Variants in ACTN2 observed in about 807,000 individuals in gnomAD.
ACTN2 encodes the protein actinin alpha 2, also known as alpha-actinin-2.
Under a neutral mutation model 113.8 loss-of-function variants are expected in ACTN2, and 39 were observed. That is an observed-to-expected ratio of 0.34 (90% CI 0.27 to 0.45). The LOEUF is 0.45. ACTN2 is among the 20% of genes least tolerant of loss of function. ACTN2 has a pLI of 1.00. For synonymous variants in ACTN2, 429 were observed against 444.1 expected, an observed-to-expected ratio of 0.97 and a Z score of 0.43; for missense variants, 992 against 1,177.9, an observed-to-expected ratio of 0.84 and a Z score of 2.31.
chr1:236,748,326 G>T (rs986173352), intron 13 of ACTN2, among the ~76,000 whole-genome samples: 2 of 152,074 alleles, frequency 1.3e-5, no homozygotes, highest in Admixed American at 1.3e-4. Flanking sequence ...AGTCTTTTCT[G>T]CTTGACTCTG....
chr1:236,758,901 G>A (rs139984972), intron 18 of ACTN2, among the ~76,000 whole-genome samples: 131 of 152,332 alleles, frequency 8.6e-4, no homozygotes, highest in African/African-American at 3.1e-3. Flanking sequence ...GCTTACAGGC[G>A]TGAGCCACCA....
chr1:236,729,867 CA>C (rs990451172), intron 6 of ACTN2, among the ~76,000 whole-genome samples: 12 of 152,224 alleles, frequency 7.9e-5, no homozygotes, highest in African/African-American at 2.9e-4. Flanking sequence ...GTTTGTATTA[CA>C]AAACATCCGT....
At chr1:236,727,061 C>T (rs1282816160) in intron 5 of ACTN2, among the ~76,000 whole-genome samples, 1 of 152,232 alleles carries the variant, frequency 6.6e-6, no homozygotes, top group African/African-American at 2.4e-5. Flanking sequence ...CAAGCTCTGG[C>T]CTGCCCTTGT....
At chr1:236,743,501 A>G (rs1290688551) in intron 11 of ACTN2, among the ~76,000 whole-genome samples, 1 of 151,706 alleles carries the variant, frequency 6.6e-6, no homozygotes, top group African/African-American at 2.4e-5. Flanking sequence ...TTCTTATTTC[A>G]CTTGCATTCA....
chr1:236,731,581 A>C (rs545283568), intron 7 of ACTN2, among the ~76,000 whole-genome samples: 1 of 152,370 alleles, frequency 6.6e-6, no homozygotes, highest in South Asian at 2.1e-4. Context: ...TTTGGCTAAG[A>C]AACAAAATGC....
chr1:236,735,832 T>C (rs970419072), intron 8 of ACTN2, 112 bp downstream of exon 8: 1 of 1,031,822 alleles, frequency 9.7e-7, no homozygotes, highest in East Asian at 2.6e-5. Flanking sequence ...GGAATCTTTC[T>C]GAGTGTTTTC....
At chr1:236,734,473 G>C in intron 7 of ACTN2, 1 of 1,535,868 alleles carries the variant, frequency 6.5e-7, no homozygotes, top group Non-Finnish European at 8.7e-7. Context: ...GAGCCATAAT[G>C]ACTTATGTTT....
intron 13 of ACTN2, among the ~76,000 whole-genome samples, chr1:236,748,666 C>T (rs1341279780): frequency 6.6e-6 from 1 of 152,136 alleles, no homozygotes; most frequent in Non-Finnish European, 1.5e-5. Context: ...ACCTGCAGTT[C>T]CTTCTCTCTC....
rs549026873 is a variant in ACTN2 at position 236,693,629 on chromosome 1, C to T, written c.126+6830C>T. 5.8e-4 allele frequency among the ~76,000 whole-genome samples: 88 copies of T among 152,282 alleles called. 1 individual carries two copies. The highest frequency in any genetic ancestry group is 6.8e-3 in the Middle Eastern group (2 of 294). On this transcript the variant is annotated intron_variant, in intron 1 of 20. Coordinates refer to ENST00000366578, the MANE Select transcript of ACTN2 (RefSeq NM_001103.4). ...CCACGGCCGTTGGGTCACCACCTCC[C>T]GTGGAGTCCTCTGGACCCTGCCTCT...
chr1:236,726,990 C>T (rs1658569514), intron 5 of ACTN2, among the ~76,000 whole-genome samples: 1 of 152,134 alleles, frequency 6.6e-6, no homozygotes, highest in Admixed American at 6.5e-5. Context: ...GGTCTCCTTC[C>T]CCAGACCCTT....
At chr1:236,708,236 C>T (rs1315494157) in intron 1 of ACTN2, among the ~76,000 whole-genome samples, 1 of 152,124 alleles carries the variant, frequency 6.6e-6, no homozygotes, top group Non-Finnish European at 1.5e-5. Context: ...AGTTAGATGC[C>T]TAATTATGTA....
intron 1 of ACTN2, among the ~76,000 whole-genome samples, chr1:236,691,378 C>T (rs895663388): frequency 2.6e-5 from 4 of 152,022 alleles, no homozygotes; most frequent in African/African-American, 4.8e-5. Flanking sequence ...TGCAGTGGCT[C>T]ATGCCTGTAA....
At chr1:236,721,233 A>G in intron 4 of ACTN2, among the ~76,000 whole-genome samples, 1 of 151,268 alleles carries the variant, frequency 6.6e-6, no homozygotes. Flanking sequence ...TCACTGTGTT[A>G]GCCAGGATGG....
Position 236,759,780 on chromosome 1 carries a change from T to G in ACTN2, c.2358T>G (p.Gly786=), listed in dbSNP as rs1478309595. ...EDFRACLISM[G]YDLGEAEFAR... is the part of the protein sequence containing the mutation. ...TCAGAGCCTGCCTGATTTCCATGGG[T>G]TATGACCTGGTAAGACAGAAGTTGA... The change falls in exon 19 of 21, where the codon GGT becomes GGG. Residue 786 remains glycine, a synonymous_variant. Transcript: ENST00000366578. The G allele has an allele frequency of 6.2e-7, 1 of 1,613,576 alleles. No homozygotes were observed. The highest frequency in any genetic ancestry group is 8.5e-7 in the Non-Finnish European group (1 of 1,179,546).
chr1:236,723,109 T>C (rs1658449798), intron 4 of ACTN2, among the ~76,000 whole-genome samples: 1 of 152,252 alleles, frequency 6.6e-6, no homozygotes. Flanking sequence ...GTTGTAGATA[T>C]ACTGTACCTT....
chr1:236,704,928 A>G (rs1558225438), intron 1 of ACTN2, among the ~76,000 whole-genome samples: 1 of 152,224 alleles, frequency 6.6e-6, no homozygotes, highest in Admixed American at 6.5e-5. Context: ...GACTCTTCTT[A>G]GCCTGTCTGT....
chr1:236,747,756 AGAG>A lies in ACTN2; in HGVS notation c.1500_1502del (p.Arg501del). On this transcript the variant is annotated inframe_deletion, in exon 13 of 21. Transcript: ENST00000366578. ...GACCGACTGGGAACGCTTACTCAGA[AGAG>A]GAGAGAAGCCCTAGAGGTGAAGTAT... The A allele has an allele frequency of 6.2e-7, 1 of 1,613,956 alleles. No homozygotes were observed. Among genetic ancestry groups the A allele is most frequent in the Non-Finnish European group, 8.5e-7 (1 of 1,179,844 alleles).
chr1:236,706,028 A>G (rs1352724978), intron 1 of ACTN2, among the ~76,000 whole-genome samples: 1 of 152,100 alleles, frequency 6.6e-6, no homozygotes, highest in East Asian at 1.9e-4. Context: ...TAACCTCTCC[A>G]CTTAAAGTGT....
chr1:236,691,246 C>T (rs182009025), intron 1 of ACTN2, among the ~76,000 whole-genome samples: 6 of 151,280 alleles, frequency 4.0e-5, no homozygotes, highest in Admixed American at 1.3e-4. Flanking sequence ...CCCAGCCTGG[C>T]GTACTTTTAA....
Sources: gnomAD v4.1 joint callset for allele counts (sites outside exome capture counted in the v4.1 genomes callset) on GRCh38, gnomAD v4.1.1 for gene constraint, MANE v1.5 for transcripts, NCBI Gene and HGNC (gene_info 2026-07-23, HGNC 2026-07-21) for gene names.